The following GNA12 variants were observed in gnomAD, a reference collection of about 807,000 sequenced individuals.
GNA12 encodes the protein G protein subunit alpha 12.
GNA12 carries 9 observed loss-of-function variants against 26.0 expected under a neutral mutation model. The ratio of observed to expected loss-of-function variants is 0.35; its 90% CI spans 0.21 to 0.60. The LOEUF (loss-of-function observed/expected upper bound fraction) is 0.60, where lower values mean the gene tolerates loss of function less well. GNA12 is among the 20% of genes least tolerant of loss of function. The pLI is 0.78. For synonymous variants in GNA12, 264 were observed against 219.6 expected, an observed-to-expected ratio of 1.20 and a Z score of -1.79; for missense variants, 405 against 525.8, an observed-to-expected ratio of 0.77 and a Z score of 2.25.
At chr7:2,777,657 C>T (rs1160052312) in intron 2 of GNA12, among the ~76,000 whole-genome samples, 1 of 152,142 alleles carries the variant, frequency 6.6e-6, no homozygotes, top group Non-Finnish European at 1.5e-5. Context: ...GTCTGCAAGT[C>T]AGGAAGAGAG....
chr7:2,831,529 G>A (rs960095851), intron 1 of GNA12, among the ~76,000 whole-genome samples: 6 of 149,732 alleles, frequency 4.0e-5, no homozygotes, highest in Admixed American at 1.3e-4. Context: ...TCAGCCTCCC[G>A]AGTAGCTGGG....
intron 2 of GNA12, among the ~76,000 whole-genome samples, chr7:2,761,899 C>T (rs1791574499): frequency 6.6e-6 from 1 of 152,184 alleles, no homozygotes; most frequent in Non-Finnish European, 1.5e-5. Flanking sequence ...TCCAGTTTTC[C>T]CATCTGTCGT....
intron 2 of GNA12, among the ~76,000 whole-genome samples, chr7:2,737,257 T>C (rs535799149): frequency 1.4e-3 from 208 of 144,930 alleles, no homozygotes; most frequent in African/African-American, 5.1e-3. Context: ...TCAGGAGCTA[T>C]CTCACAGTTT....
intron 2 of GNA12, among the ~76,000 whole-genome samples, chr7:2,735,005 G>A (rs1358795665): frequency 6.6e-6 from 1 of 152,190 alleles, no homozygotes; most frequent in Non-Finnish European, 1.5e-5. Context: ...GAGGCCGGTG[G>A]GGCAGCCGCC....
At chr7:2,830,027 C>A (rs1211481345) in intron 1 of GNA12, among the ~76,000 whole-genome samples, 4 of 152,222 alleles carry the variant, frequency 2.6e-5, no homozygotes, top group African/African-American at 7.2e-5. Flanking sequence ...CAGCACAGAG[C>A]TCTGGGTGCC....
intron 2 of GNA12, among the ~76,000 whole-genome samples, chr7:2,791,554 C>T (rs778345366): frequency 5.3e-5 from 8 of 152,210 alleles, no homozygotes; most frequent in South Asian, 2.1e-4. Context: ...AACAGGGAGG[C>T]GCCTAGTACC....
At chr7:2,842,111 G>GAA (rs1562454089) in intron 1 of GNA12, among the ~76,000 whole-genome samples, 3 of 77,968 alleles carry the variant, frequency 3.8e-5, no homozygotes, top group African/African-American at 1.2e-4. Flanking sequence ...AGGAAGGAAG[G>GAA]GAAGGGAGGA....
At chr7:2,834,121 C>T (rs566916519) in intron 1 of GNA12, among the ~76,000 whole-genome samples, 2 of 152,290 alleles carry the variant, frequency 1.3e-5, no homozygotes, top group East Asian at 1.9e-4. Context: ...TAGAGTGCTG[C>T]GACTGCAGTC....
chr7:2,812,404 C>T lies in GNA12; in HGVS notation c.310-17261G>A, dbSNP rs147080357. On this transcript the variant is annotated intron_variant, in intron 1 of 3. Coordinates refer to ENST00000275364, the MANE Select transcript of GNA12 (RefSeq NM_007353.3). ...CAGCACCTTTGGAGGCTGAGGCGGGCGGACCACTTGAGGTCAGGAGTTTGA... is the reference window on the plus strand; with the variant it reads ...CAGCACCTTTGGAGGCTGAGGCGGGTGGACCACTTGAGGTCAGGAGTTTGA... 9.2e-4 allele frequency among the ~76,000 whole-genome samples: 140 copies of T among 152,068 alleles called. 2 individuals are homozygous for T. In the East Asian group the frequency reaches 0.021, roughly 23 times the overall value.
intron 1 of GNA12, among the ~76,000 whole-genome samples, chr7:2,800,263 C>T (rs912424589): frequency 2.0e-5 from 3 of 152,208 alleles, no homozygotes; most frequent in African/African-American, 7.2e-5. Context: ...TGTTTAATAA[C>T]ATTCTTGAGG....
intron 2 of GNA12, among the ~76,000 whole-genome samples, chr7:2,740,399 T>C (rs1790440070): frequency 1.3e-5 from 2 of 152,170 alleles, no homozygotes; most frequent in Admixed American, 6.5e-5. Flanking sequence ...CTCCGTCCTA[T>C]GTGAGGCACC....
At chr7:2,834,532 G>A (rs547057015) in intron 1 of GNA12, among the ~76,000 whole-genome samples, 60 of 152,324 alleles carry the variant, frequency 3.9e-4, no homozygotes, top group African/African-American at 1.0e-3. Flanking sequence ...GCACAATGCC[G>A]TGGAGATTTT....
chr7:2,842,109 AGG>A (rs1278533631), intron 1 of GNA12, among the ~76,000 whole-genome samples: 5 of 78,148 alleles, frequency 6.4e-5, no homozygotes, highest in Admixed American at 1.3e-4. Context: ...AAAGGAAGGA[AGG>A]GAAGGGAGGA....
At chr7:2,736,200 G>A (rs1356746436) in intron 2 of GNA12, among the ~76,000 whole-genome samples, 5 of 152,142 alleles carry the variant, frequency 3.3e-5, no homozygotes, top group East Asian at 3.9e-4. Context: ...GAAATTAACC[G>A]CTTGGTGGGT....
rs71527409 is a variant in GNA12 at position 2,815,587 on chromosome 7, T to A, written c.310-20444A>T. Among the ~76,000 whole-genome samples the A allele has an allele frequency of 7.9e-3, 1,198 of 152,306 alleles. 8 individuals carry two copies. The highest frequency in any genetic ancestry group is 8.7e-3 in the Non-Finnish European group (590 of 68,018). ...ATAGCACAGAGGCTGGGGAAATTAC[T>A]CAAACCAGCCAATCCTAAACCGCGG... On this transcript the variant is annotated intron_variant, in intron 1 of 3. Coordinates refer to ENST00000275364, the MANE Select transcript of GNA12 (RefSeq NM_007353.3).
rs1447900108 is a variant in GNA12, at chr7:2,792,346, C to CGGAAG, written c.525+2581_525+2582insCTTCC. Among the ~76,000 whole-genome samples, 10 of 152,306 alleles carry CGGAAG rather than the reference C, an allele frequency of 6.6e-5. No homozygotes were observed. In the East Asian group the frequency reaches 1.9e-3, roughly 29 times the overall value. On this transcript the variant is annotated intron_variant, in intron 2 of 3. Transcript: ENST00000275364. ...GGCCTCAGGCACAGCATAACTGGTACGGGCTTACTTCCATGTCGTGACAAT... is the reference window on the plus strand; with the variant it reads ...GGCCTCAGGCACAGCATAACTGGTACGGAAGGGGCTTACTTCCATGTCGTGACAAT...
intron 2 of GNA12, among the ~76,000 whole-genome samples, chr7:2,752,379 G>A (rs798499): frequency 0.4 from 61,475 of 152,014 alleles, 12,669 homozygotes; most frequent in Admixed American, 0.47. Context: ...AACACTGGGT[G>A]TAAGGCAAGG....
intron 2 of GNA12, among the ~76,000 whole-genome samples, chr7:2,782,989 C>G (rs1378357870): frequency 6.6e-6 from 1 of 152,194 alleles, no homozygotes; most frequent in African/African-American, 2.4e-5. Flanking sequence ...TATGCCATGT[C>G]ACTTTAAATA....
chr7:2,798,708 A>G (rs1055059614), intron 1 of GNA12, among the ~76,000 whole-genome samples: 2 of 152,252 alleles, frequency 1.3e-5, no homozygotes, highest in African/African-American at 4.8e-5. Context: ...CAACTTTGAA[A>G]AAGAAAAGTG....
Sources: gnomAD v4.1 joint callset for allele counts (sites outside exome capture counted in the v4.1 genomes callset) on GRCh38, gnomAD v4.1.1 for gene constraint, MANE v1.5 for transcripts, NCBI Gene and HGNC (gene_info 2026-07-23, HGNC 2026-07-21) for gene names.